NRG3: variants seen among roughly 807,000 people sequenced by gnomAD.
The protein encoded by NRG3 is pro-neuregulin-3, membrane-bound isoform.
In NRG3, 31 loss-of-function variants were observed where a neutral mutation model predicts 66.9. The ratio of observed to expected loss-of-function variants is 0.46; its 90% CI spans 0.35 to 0.63. The LOEUF (loss-of-function observed/expected upper bound fraction) is 0.63. Ranked by LOEUF, NRG3 falls within the 20% of genes least tolerant of loss-of-function variation. The pLI is 0.00. For missense variants in NRG3, 910 were observed against 878.9 expected, an observed-to-expected ratio of 1.04 and a Z score of -0.45; for synonymous variants, 393 against 359.4, an observed-to-expected ratio of 1.09 and a Z score of -1.06.
chr10:82,151,598 CTG>C (rs1302668380), intron 1 of NRG3, among the ~76,000 whole-genome samples: 1 of 152,128 alleles, frequency 6.6e-6, no homozygotes, highest in African/African-American at 2.4e-5. Flanking sequence ...ACTTAGTCGT[CTG>C]TAATTTGTAA....
At chr10:82,015,640 G>T (rs918114562) in intron 1 of NRG3, among the ~76,000 whole-genome samples, 2 of 151,898 alleles carry the variant, frequency 1.3e-5, no homozygotes, top group Admixed American at 1.3e-4. Flanking sequence ...TGCCACCTTG[G>T]AAGAAGGTGA....
chr10:82,621,851 A>T (rs2049058638), intron 2 of NRG3, among the ~76,000 whole-genome samples: 1 of 152,320 alleles, frequency 6.6e-6, no homozygotes, highest in Non-Finnish European at 1.5e-5. Context: ...GTTAACTTTC[A>T]CACTTCTCAA....
chr10:82,159,815 A>T (rs1410868818), intron 1 of NRG3, among the ~76,000 whole-genome samples: 1 of 151,892 alleles, frequency 6.6e-6, no homozygotes, highest in Non-Finnish European at 1.5e-5. Context: ...AAATAAGAAG[A>T]AGTCACTCTT....
chr10:82,835,274 G>A (rs565281006), intron 3 of NRG3, among the ~76,000 whole-genome samples: 1 of 152,252 alleles, frequency 6.6e-6, no homozygotes, highest in African/African-American at 2.4e-5. Context: ...ACACTCCAGG[G>A]CAGCTGGAGA....
chr10:82,713,498 C>T (rs1457190316), intron 2 of NRG3, among the ~76,000 whole-genome samples: 1 of 152,058 alleles, frequency 6.6e-6, no homozygotes, highest in Non-Finnish European at 1.5e-5. Context: ...TGCTTTTGGC[C>T]TGAGCAACTC....
intron 3 of NRG3, among the ~76,000 whole-genome samples, chr10:82,754,570 G>C (rs1291453171): frequency 6.7e-6 from 1 of 149,662 alleles, no homozygotes; most frequent in East Asian, 1.9e-4. Context: ...AGATTGCTTT[G>C]CTTCTGGAAA....
At chr10:82,098,529 G>A (rs906915685) in intron 1 of NRG3, among the ~76,000 whole-genome samples, 1 of 152,130 alleles carries the variant, frequency 6.6e-6, no homozygotes, top group East Asian at 1.9e-4. Context: ...AGAGGGTACA[G>A]TGTAGGAGAA....
chr10:82,345,069 T>G (rs2082922477), intron 1 of NRG3, among the ~76,000 whole-genome samples: 4 of 120,126 alleles, frequency 3.3e-5, no homozygotes. Context: ...TTAGTTTAAT[T>G]AGATCCCATT....
chr10:81,956,862 C>T (rs773673095), intron 1 of NRG3, among the ~76,000 whole-genome samples: 3 of 152,154 alleles, frequency 2.0e-5, no homozygotes, highest in East Asian at 1.9e-4. Flanking sequence ...GTCTTTTTCT[C>T]TGAACTCCTT....
intron 1 of NRG3, among the ~76,000 whole-genome samples, chr10:82,282,381 G>A (rs2079173304): frequency 6.6e-6 from 1 of 152,048 alleles, no homozygotes; most frequent in African/African-American, 2.4e-5. Context: ...TTGTGGATCT[G>A]TGTCTTGAAA....
intron 1 of NRG3, among the ~76,000 whole-genome samples, chr10:82,264,142 C>T (rs751795855): frequency 6.6e-6 from 1 of 152,118 alleles, no homozygotes; most frequent in Non-Finnish European, 1.5e-5. Flanking sequence ...AGTTAAAAAA[C>T]GTAGAGCCTT....
chr10:82,532,469 C>CTA (rs936518793), intron 2 of NRG3, among the ~76,000 whole-genome samples: 2 of 147,692 alleles, frequency 1.4e-5, no homozygotes, highest in African/African-American at 4.9e-5. Context: ...CAATGGATTA[C>CTA]TATATATATA....
Position 82,591,016 on chromosome 10 carries a change from T to C in NRG3, c.954-147561T>C, listed in dbSNP as rs1222819602. 2.6e-5 allele frequency among the ~76,000 whole-genome samples: 4 copies of C among 152,268 alleles called. No individual in the cohort carries two copies. In the East Asian group the frequency reaches 5.8e-4, roughly 22 times the overall value. ...AAGATAAAAATGGCCTCAAGACCCA[T>C]CCACACAACATGGGTTAAGGCAAGA... is the stretch of plus-strand genomic sequence containing the variant. On this transcript the variant is annotated intron_variant, in intron 2 of 8. Coordinates refer to ENST00000372141, the MANE Select transcript of NRG3 (RefSeq NM_001010848.4).
chr10:82,484,028 A>T (rs1461164596), intron 2 of NRG3, among the ~76,000 whole-genome samples: 1 of 152,252 alleles, frequency 6.6e-6, no homozygotes, highest in Non-Finnish European at 1.5e-5. Flanking sequence ...GCTTTTTAAA[A>T]TTGTATTTGA....
At chr10:82,875,668 C>G (rs1841756475) in intron 4 of NRG3, among the ~76,000 whole-genome samples, 1 of 152,160 alleles carries the variant, frequency 6.6e-6, no homozygotes, top group Admixed American at 6.5e-5. Context: ...CACTCTCTCC[C>G]TTTACACTTT....
intron 3 of NRG3, among the ~76,000 whole-genome samples, chr10:82,773,316 A>T (rs758822176): frequency 6.6e-6 from 1 of 152,056 alleles, no homozygotes; most frequent in Non-Finnish European, 1.5e-5. Flanking sequence ...TAGTGATTTT[A>T]ATTTGCATTT....
chr10:82,068,239 A>T (rs1445256101), intron 1 of NRG3, among the ~76,000 whole-genome samples: 1 of 152,230 alleles, frequency 6.6e-6, no homozygotes, highest in Non-Finnish European at 1.5e-5. Flanking sequence ...AATGCCTTTT[A>T]ACAATTAGTA....
chr10:82,785,230 G>A (rs1219079066), intron 3 of NRG3, among the ~76,000 whole-genome samples: 3 of 151,850 alleles, frequency 2.0e-5, no homozygotes, highest in Admixed American at 2.0e-4. Context: ...GGGAGGGATA[G>A]CATTAGGAGA....
intron 4 of NRG3, among the ~76,000 whole-genome samples, chr10:82,948,914 T>G (rs57942726): frequency 0.011 from 1,690 of 152,296 alleles, 34 homozygotes; most frequent in African/African-American, 0.039. Context: ...TATTTTTTCT[T>G]GTTACATTAA....
Sources: allele counts gnomAD v4.1 joint callset (sites outside exome capture counted in the v4.1 genomes callset), GRCh38; gene constraint gnomAD v4.1.1; transcripts MANE v1.5; gene names NCBI Gene and HGNC (gene_info 2026-07-23, HGNC 2026-07-21).